The following ANKS1B variants were observed in gnomAD, a reference collection of about 807,000 sequenced individuals.
ANKS1B encodes the protein ankyrin repeat and sterile alpha motif domain containing 1B.
Under a neutral mutation model 148.3 loss-of-function variants are expected in ANKS1B, and 36 were observed. The observed-to-expected ratio is 0.24, with a 90% CI of 0.19 to 0.32. The LOEUF is 0.32. Among genes scored for constraint, ANKS1B ranks in the 10% least tolerant of loss-of-function variants. ANKS1B has a pLI of 1.00. For synonymous variants in ANKS1B, 542 were observed against 560.8 expected (o/e 0.97, Z 0.47); for missense variants, 1,157 against 1,542.6 (o/e 0.75, Z 4.19).
chr12:99,940,748 CATA>C (rs1447248425), intron 1 of ANKS1B, among the ~76,000 whole-genome samples: 1 of 152,052 alleles, frequency 6.6e-6, no homozygotes, highest in Non-Finnish European at 1.5e-5. Flanking sequence ...AATATTCACA[CATA>C]ATAATACAAA....
chr12:98,894,670 G>A (rs2099760132), intron 17 of ANKS1B: 2 of 985,680 alleles, frequency 2.0e-6, no homozygotes, highest in South Asian at 4.7e-5. Context: ...ATCCGCGAGG[G>A]CTGGCGGGCT....
At chr12:99,299,537 A>G (rs918860417) in intron 12 of ANKS1B, among the ~76,000 whole-genome samples, 1 of 152,162 alleles carries the variant, frequency 6.6e-6, no homozygotes, top group Non-Finnish European at 1.5e-5. Flanking sequence ...AACAAATATA[A>G]TCACTTTTAA....
At chr12:99,394,706 A>C (rs9805135) in intron 12 of ANKS1B, among the ~76,000 whole-genome samples, 21,002 of 152,146 alleles carry the variant, frequency 0.14, 2,209 homozygotes, top group East Asian at 0.54. Context: ...GTTGCTCCTT[A>C]TCAGCTTCCC....
intron 8 of ANKS1B, among the ~76,000 whole-genome samples, chr12:99,698,576 A>C (rs960223140): frequency 1.3e-5 from 2 of 152,184 alleles, no homozygotes; most frequent in African/African-American, 2.4e-5. Context: ...TAAGAAAAAA[A>C]AATGCTTTCT....
intron 16 of ANKS1B, among the ~76,000 whole-genome samples, chr12:99,070,428 G>T (rs1599399873): frequency 2.6e-5 from 4 of 152,304 alleles, no homozygotes; most frequent in Admixed American, 2.6e-4. Flanking sequence ...ATAGGTATTT[G>T]TTTGGGTTTG....
intron 4 of ANKS1B, among the ~76,000 whole-genome samples, chr12:99,790,195 A>G (rs934591655): frequency 2.0e-5 from 3 of 152,212 alleles, no homozygotes; most frequent in African/African-American, 7.2e-5. Context: ...CTTACAGGTC[A>G]GGAGAGAGTG....
intron 1 of ANKS1B, among the ~76,000 whole-genome samples, chr12:99,910,059 A>G (rs1015165918): frequency 3.5e-4 from 53 of 152,270 alleles, no homozygotes; most frequent in African/African-American, 1.2e-3. Flanking sequence ...TCCATATAAT[A>G]GAATATTATT....
chr12:99,648,650 G>A (rs1162809179), intron 9 of ANKS1B: 6 of 1,614,206 alleles, frequency 3.7e-6, no homozygotes, highest in Non-Finnish European at 4.2e-6. Context: ...TCGGATGCAA[G>A]TGAAGACCTT....
chr12:99,215,025 C>T (rs909943942), intron 14 of ANKS1B, among the ~76,000 whole-genome samples: 6 of 152,174 alleles, frequency 3.9e-5, no homozygotes, highest in South Asian at 2.1e-4. Flanking sequence ...AATTTCTAAG[C>T]AGCAAAGCAT....
chr12:99,299,668 T>G (rs1423325614), intron 12 of ANKS1B, among the ~76,000 whole-genome samples: 3 of 152,210 alleles, frequency 2.0e-5, no homozygotes, highest in Non-Finnish European at 4.4e-5. Context: ...GTTACCCTAT[T>G]TTCCAAAGAT....
At chr12:99,194,526 T>A (rs2081151377) in intron 14 of ANKS1B, among the ~76,000 whole-genome samples, 1 of 152,016 alleles carries the variant, frequency 6.6e-6, no homozygotes, top group Non-Finnish European at 1.5e-5. Context: ...AATGACTTCA[T>A]CCACAAATTT....
At chr12:99,422,948 A>T (rs1162036850) in intron 11 of ANKS1B, among the ~76,000 whole-genome samples, 1 of 152,230 alleles carries the variant, frequency 6.6e-6, no homozygotes, top group African/African-American at 2.4e-5. Flanking sequence ...TCAGTTTAAT[A>T]GGATGGAGAA....
intron 12 of ANKS1B, among the ~76,000 whole-genome samples, chr12:99,294,171 TA>T: frequency 6.6e-6 from 1 of 152,336 alleles, no homozygotes; most frequent in South Asian, 2.1e-4. Context: ...ATCCCAGTGC[TA>T]GTTATATACC....
chr12:99,525,379 T>A (rs1235403956), intron 9 of ANKS1B, among the ~76,000 whole-genome samples: 1 of 152,172 alleles, frequency 6.6e-6, no homozygotes, highest in Non-Finnish European at 1.5e-5. Flanking sequence ...AAGCCTAAAG[T>A]GCATTTGGAA....
At chr12:99,840,056 C>A (rs1006241097) in intron 1 of ANKS1B, among the ~76,000 whole-genome samples, 22 of 152,038 alleles carry the variant, frequency 1.4e-4, no homozygotes, top group African/African-American at 5.3e-4. Context: ...AGAAAAAAGA[C>A]AAAAATTCCT....
intron 12 of ANKS1B, among the ~76,000 whole-genome samples, chr12:99,297,063 C>G (rs996284563): frequency 1.3e-5 from 2 of 152,066 alleles, no homozygotes; most frequent in Non-Finnish European, 2.9e-5. Flanking sequence ...ATAGGTCTCA[C>G]ATTAGAGTTA....
chr12:99,600,494 G>A (rs1341322479), intron 9 of ANKS1B, among the ~76,000 whole-genome samples: 1 of 151,982 alleles, frequency 6.6e-6, no homozygotes, highest in African/African-American at 2.4e-5. Context: ...CAGAGCACCA[G>A]GCAGTGACTG....
At chr12:99,507,325 ATTT>A (rs1195676171) in intron 9 of ANKS1B, among the ~76,000 whole-genome samples, 4 of 151,928 alleles carry the variant, frequency 2.6e-5, no homozygotes, top group Non-Finnish European at 5.9e-5. Flanking sequence ...ACTTCTGAGG[ATTT>A]TTAAAGCCTC....
chr12:98,787,084 T>C lies in ANKS1B; in HGVS notation c.3343-4947A>G, dbSNP rs549598389. Among the ~76,000 whole-genome samples, 5 of 152,320 alleles carry C rather than the reference T, an allele frequency of 3.3e-5. No individual in the cohort carries two copies. The East Asian group carries it at 9.6e-4, about 29-fold the overall frequency. The stretch of plus-strand genomic sequence containing the variant: ...TTCCATTTCAGCAAGTAAATTAAAA[T>C]AGGATCAAGCAATTATGTTTGGTAG... On this transcript the variant is annotated intron_variant, in intron 22 of 26. Coordinates refer to ENST00000683438, the MANE Select transcript of ANKS1B (RefSeq NM_001352186.2).
Sources: allele counts gnomAD v4.1 joint callset (sites outside exome capture counted in the v4.1 genomes callset), GRCh38; gene constraint gnomAD v4.1.1; transcripts MANE v1.5; gene names NCBI Gene and HGNC (gene_info 2026-07-23, HGNC 2026-07-21).